The following FBXL2 variants were observed in gnomAD, a reference collection of about 807,000 sequenced individuals.
FBXL2 encodes the protein F-box/LRR-repeat protein 2.
Under a neutral mutation model 69.2 loss-of-function variants are expected in FBXL2, and 38 were observed. The observed-to-expected ratio is 0.55, with a 90% CI of 0.42 to 0.72. The LOEUF (loss-of-function observed/expected upper bound fraction) is 0.72. Ranked by LOEUF, FBXL2 falls within the 30% of genes least tolerant of loss-of-function variation. The pLI is 0.00. For synonymous variants in FBXL2, 192 were observed against 201.3 expected, an observed-to-expected ratio of 0.95 and a Z score of 0.39; for missense variants, 354 against 520.3, an observed-to-expected ratio of 0.68 and a Z score of 3.11.
Position 33,377,332 on chromosome 3 carries a change from G to A in FBXL2, c.848G>A (p.Arg283Gln), listed in dbSNP as rs369899714. 8.7e-6 allele frequency: 14 copies of A among 1,613,870 alleles called. No individual in the cohort carries two copies. Among genetic ancestry groups the A allele is most frequent in the East Asian group, 6.7e-5 (3 of 44,882 alleles). Residue 283 changes from arginine (R) to glutamine (Q), a missense_variant and splice_region_variant, in exon 11 of 15, where the codon CGG (arginine) becomes CAG (glutamine). Physicochemically the swap from Arg to Gln is conservative, Grantham distance 43. Transcript: ENST00000484457. The part of the protein sequence containing the change: ...LTDAGFTLLA[R>Q]NCHELEKMDL... ...GACGCAGGTTTTACACTTTTAGCTC[G>A]GGTAAGGCATAGATTTAAAGAATAC...
At chr3:33,303,946 T>C (rs757201703) in intron 2 of FBXL2, among the ~76,000 whole-genome samples, 14 of 151,800 alleles carry the variant, frequency 9.2e-5, no homozygotes, top group African/African-American at 1.2e-4. Flanking sequence ...TTTGATAATA[T>C]TAGGTTTTGG....
At position 33,321,177 on chromosome 3, in the gene FBXL2, G is replaced by A. The variant is rs149146849; in HGVS notation, c.65+23452G>A. Among the ~76,000 whole-genome samples the A allele has an allele frequency of 4.5e-3, 683 of 151,978 alleles. 4 individuals carry two copies. The highest frequency in any genetic ancestry group is 0.015 in the African/African-American group (638 of 41,438). On this transcript the variant is annotated intron_variant, in intron 2 of 14. Transcript: ENST00000484457. ...ATACAAAAATTAGCCAGGCATGGTG[G>A]CACATACCTGTAATCTCAGCTACTT...
At chr3:33,337,230 C>A (rs2039661706) in intron 2 of FBXL2, among the ~76,000 whole-genome samples, 1 of 151,758 alleles carries the variant, frequency 6.6e-6, no homozygotes, top group Admixed American at 6.6e-5. Context: ...AACAAAAAAA[C>A]CTTAAGATAA....
At chr3:33,411,831 C>T in the FBXL2 span, 1 of 646,552 alleles carries the variant, frequency 1.5e-6, no homozygotes, top group African/African-American at 1.8e-5. Flanking sequence ...ACTTCTTCAA[C>T]ATCGAAACCC....
intron 2 of FBXL2, among the ~76,000 whole-genome samples, chr3:33,339,572 G>A (rs1182864048): frequency 6.6e-6 from 1 of 152,152 alleles, no homozygotes; most frequent in Non-Finnish European, 1.5e-5. Context: ...AGAGGAGGGT[G>A]AGGACTGAAA....
chr3:33,403,576 G>GTCTATCTATCTATCTATCTA lies in FBXL2; in HGVS notation n.1560_1561insATCTATCTATCTATCTATCT, dbSNP rs1311549128. ...TGTCTGTCTGTCTGTCTGTCTGTCT[G>GTCTATCTATCTATCTATCTA]TCTGTCTGTCTATCTATCTATCTAT... On this transcript the variant is annotated non_coding_transcript_exon_variant, in exon 13 of 13. Transcript: ENST00000463736. 3.2e-4 allele frequency: 27 copies of GTCTATCTATCTATCTATCTA among 84,338 alleles called. 1 individual carries two copies. The highest frequency in any genetic ancestry group is 5.5e-4 in the Non-Finnish European group (17 of 30,634). 5.2% of individuals were successfully genotyped at this position (84,338 alleles called of 1,614,324 possible).
At chr3:33,369,071 A>T (rs187309995) in intron 5 of FBXL2, among the ~76,000 whole-genome samples, 2,456 of 126,582 alleles carry the variant, frequency 0.019, 30 homozygotes, top group Non-Finnish European at 0.031. Context: ...TTTTTTTTTG[A>T]GACAGGGTCT....
intron 1 of FBXL2, among the ~76,000 whole-genome samples, chr3:33,277,956 A>G (rs190532125): frequency 6.9e-4 from 105 of 152,344 alleles, no homozygotes; most frequent in African/African-American, 2.5e-3. Context: ...TGTAACTAAT[A>G]TAAGACATAT....
chr3:33,320,595 C>T (rs1003713598), intron 2 of FBXL2, among the ~76,000 whole-genome samples: 1 of 151,964 alleles, frequency 6.6e-6, no homozygotes, highest in Admixed American at 6.6e-5. Flanking sequence ...ATTCTCCTGC[C>T]TCAGCGTCCT....
chr3:33,403,486 CTCTATCTA>C (rs149670278), exon 13 of FBXL2: 26,177 of 98,318 alleles, frequency 0.27, 2,641 homozygotes, highest in African/African-American at 0.31. Context: ...CTACATCTAT[CTCTATCTA>C]TCTATCTATC....
At chr3:33,299,661 AT>A (rs1559506127) in intron 2 of FBXL2, among the ~76,000 whole-genome samples, 4 of 152,138 alleles carry the variant, frequency 2.6e-5, no homozygotes, top group African/African-American at 7.2e-5. Flanking sequence ...AGGGTGTTTC[AT>A]TAGTCATCAG....
intron 1 of FBXL2, among the ~76,000 whole-genome samples, chr3:33,279,397 A>T (rs998382976): frequency 6.6e-6 from 1 of 151,860 alleles, no homozygotes; most frequent in African/African-American, 2.4e-5. Context: ...CAGCCTCCCG[A>T]GTAGCTGGGA....
chr3:33,382,043 G>A (rs2043100967), intron 13 of FBXL2, among the ~76,000 whole-genome samples: 2 of 152,118 alleles, frequency 1.3e-5, no homozygotes, highest in Admixed American at 1.3e-4. Flanking sequence ...TTTCTAGTTT[G>A]GGGCTGTTAC....
At chr3:33,325,722 GT>G (rs1374381186) in intron 2 of FBXL2, among the ~76,000 whole-genome samples, 1 of 151,862 alleles carries the variant, frequency 6.6e-6, no homozygotes, top group Non-Finnish European at 1.5e-5. Flanking sequence ...TTGTTAAAAT[GT>G]TTTTTTAAAA....
chr3:33,387,039 T>G lies in FBXL2; in HGVS notation c.*1431T>G, dbSNP rs185637818. On this transcript the variant is annotated 3_prime_UTR_variant, in exon 15 of 15. Transcript: ENST00000484457. ...TCTAGGAAGAGAAGCAGATTATATA[T>G]ATATATAATCTCCCCATAAACGGAC... The G allele has an allele frequency of 6.6e-6, 1 of 152,176 alleles. No individual in the cohort carries two copies. The highest frequency in any genetic ancestry group is 2.4e-5 in the African/African-American group (1 of 41,434). The allele number at this position is 152,176 out of a possible 1,614,324, so 9.4% of individuals were successfully genotyped here.
At chr3:33,356,853 C>T (rs2041238238) in intron 2 of FBXL2, among the ~76,000 whole-genome samples, 1 of 152,216 alleles carries the variant, frequency 6.6e-6, no homozygotes, top group Non-Finnish European at 1.5e-5. Flanking sequence ...CTAGAGCCCA[C>T]ATAGCGGCTC....
At chr3:33,372,827 A>G (rs1300094562) in intron 5 of FBXL2, among the ~76,000 whole-genome samples, 1 of 152,156 alleles carries the variant, frequency 6.6e-6, no homozygotes, top group Non-Finnish European at 1.5e-5. Context: ...GAACTGATTG[A>G]TAGGTAGTCT....
At chr3:33,290,438 G>C (rs1270277496) in intron 1 of FBXL2, among the ~76,000 whole-genome samples, 2 of 152,126 alleles carry the variant, frequency 1.3e-5, no homozygotes, top group African/African-American at 4.8e-5. Context: ...CCATGGTCAG[G>C]GGAAGAAAGA....
intron 4 of FBXL2, among the ~76,000 whole-genome samples, chr3:33,360,078 A>G (rs555411523): frequency 7.2e-5 from 11 of 152,286 alleles, no homozygotes; most frequent in Admixed American, 2.0e-4. Flanking sequence ...GGGTCTTGAG[A>G]TTCTGAAGTT....
Sources: allele counts gnomAD v4.1 joint callset (sites outside exome capture counted in the v4.1 genomes callset), GRCh38; gene constraint gnomAD v4.1.1; transcripts MANE v1.5; gene names NCBI Gene and HGNC (gene_info 2026-07-23, HGNC 2026-07-21).